HPSE2: variants seen among roughly 807,000 people sequenced by gnomAD.
HPSE2 encodes heparanase 2 (inactive).
Under a neutral mutation model 60.5 loss-of-function variants are expected in HPSE2, and 38 were observed. The ratio of observed to expected loss-of-function variants is 0.63; its 90% CI spans 0.48 to 0.82. The LOEUF is 0.82. HPSE2 is among the 40% of genes least tolerant of loss of function. HPSE2 has a pLI of 0.00. For missense variants in HPSE2, 713 were observed against 740.4 expected (o/e 0.96, Z 0.43); for synonymous variants, 295 against 293.2 (o/e 1.01, Z -0.06).
chr10:99,080,684 C>A (rs1158399444), intron 3 of HPSE2, among the ~76,000 whole-genome samples: 1 of 152,142 alleles, frequency 6.6e-6, no homozygotes, highest in Non-Finnish European at 1.5e-5. Context: ...CAAATGGTAT[C>A]CTTTGAAATA....
At chr10:98,643,771 T>C (rs1029517834) in intron 6 of HPSE2, among the ~76,000 whole-genome samples, 2 of 152,216 alleles carry the variant, frequency 1.3e-5, no homozygotes. Flanking sequence ...CAGAGTAGTG[T>C]TAAAATTAAA....
intron 9 of HPSE2, among the ~76,000 whole-genome samples, chr10:98,548,525 G>A (rs4272739): frequency 0.85 from 129,409 of 151,902 alleles, 56,329 homozygotes; most frequent in East Asian, 1. Context: ...GCTGAGGCAG[G>A]AGAATCACTT....
rs184861536 is a variant in HPSE2 at position 98,683,510 on chromosome 10, C to A, written c.1004+10390G>T. Among the ~76,000 whole-genome samples, 654 of 151,554 alleles carry A rather than the reference C, an allele frequency of 4.3e-3. 3 individuals are homozygous for A. The highest frequency in any genetic ancestry group is 5.3e-3 in the Non-Finnish European group (359 of 67,820). On this transcript the variant is annotated intron_variant, in intron 6 of 11. Transcript: ENST00000370552. Reference sequence around the variant, plus strand: ...GAGAGAAAATAGAAGGCATTGCATCCAAAAACAAGAAAACAAGCTATAAAA... The same window carrying A: ...GAGAGAAAATAGAAGGCATTGCATCAAAAAACAAGAAAACAAGCTATAAAA...
chr10:99,064,810 G>A (rs1842563674), intron 3 of HPSE2, among the ~76,000 whole-genome samples: 1 of 151,562 alleles, frequency 6.6e-6, no homozygotes, highest in Non-Finnish European at 1.5e-5. Flanking sequence ...AATTATTTGA[G>A]TCAAGGAAAA....
intron 6 of HPSE2, among the ~76,000 whole-genome samples, chr10:98,645,223 T>C (rs1011211065): frequency 2.6e-5 from 4 of 152,126 alleles, no homozygotes; most frequent in Non-Finnish European, 5.9e-5. Flanking sequence ...ATATCAAAAA[T>C]ATACAGAATA....
intron 2 of HPSE2, among the ~76,000 whole-genome samples, chr10:99,211,987 C>A (rs1027303281): frequency 2.0e-5 from 3 of 152,058 alleles, no homozygotes; most frequent in Non-Finnish European, 4.4e-5. Context: ...ATAAAGAACA[C>A]AACTCAACAG....
At chr10:98,822,453 A>G (rs1176415161) in intron 3 of HPSE2, among the ~76,000 whole-genome samples, 1 of 152,218 alleles carries the variant, frequency 6.6e-6, no homozygotes. Flanking sequence ...AATGTTTAAT[A>G]AACTGCTTAT....
chr10:99,236,692 G>C (rs1849865612), upstream of HPSE2, among the ~76,000 whole-genome samples: 2 of 152,154 alleles, frequency 1.3e-5, no homozygotes, highest in African/African-American at 4.8e-5. Flanking sequence ...CGATCCGAGG[G>C]CCAAAAGGGA....
At chr10:99,084,867 TTAAAAAGTAACAAACTC>T in intron 3 of HPSE2, among the ~76,000 whole-genome samples, 1 of 152,272 alleles carries the variant, frequency 6.6e-6, no homozygotes, top group East Asian at 1.9e-4. Context: ...AGAAGGTACA[TTAAAAAGTAACAAACTC>T]TGCAGTGAGA....
At chr10:98,502,426 G>C (rs1207734315) in intron 9 of HPSE2, among the ~76,000 whole-genome samples, 2 of 152,028 alleles carry the variant, frequency 1.3e-5, no homozygotes, top group Non-Finnish European at 2.9e-5. Context: ...CTTCGACAAA[G>C]CAAACAAAAA....
At chr10:98,564,427 T>C (rs555367691) in intron 9 of HPSE2, among the ~76,000 whole-genome samples, 140 of 152,330 alleles carry the variant, frequency 9.2e-4, no homozygotes, top group Middle Eastern at 6.8e-3. Context: ...TTGTTAACTA[T>C]TGTTGCAATT....
intron 9 of HPSE2, among the ~76,000 whole-genome samples, chr10:98,609,187 G>T (rs1208588637): frequency 6.6e-6 from 1 of 152,102 alleles, no homozygotes; most frequent in Non-Finnish European, 1.5e-5. Context: ...CCTCCACCCA[G>T]TATGACTTCT....
chr10:98,906,644 G>A (rs1301933305), intron 3 of HPSE2, among the ~76,000 whole-genome samples: 1 of 152,160 alleles, frequency 6.6e-6, no homozygotes, highest in African/African-American at 2.4e-5. Context: ...AGTGGCTCAC[G>A]CCTGTAATCC....
intron 3 of HPSE2, among the ~76,000 whole-genome samples, chr10:98,937,416 G>A (rs1954836033): frequency 1.4e-5 from 2 of 144,388 alleles, no homozygotes; most frequent in South Asian, 2.1e-4. Context: ...CTTAAAAAAC[G>A]GCGCACCAGG....
intron 3 of HPSE2, among the ~76,000 whole-genome samples, chr10:98,804,896 TATAA>T (rs1173971492): frequency 2.0e-5 from 3 of 152,060 alleles, no homozygotes; most frequent in African/African-American, 7.2e-5. Context: ...GTCCATAACA[TATAA>T]ATAAATAAAT....
intron 2 of HPSE2, among the ~76,000 whole-genome samples, chr10:99,198,123 T>C (rs1267364161): frequency 6.6e-6 from 1 of 151,182 alleles, no homozygotes; most frequent in Non-Finnish European, 1.5e-5. Context: ...TACCAGCTAA[T>C]AAGATACATT....
intron 5 of HPSE2, among the ~76,000 whole-genome samples, chr10:98,716,778 T>G (rs1011509015): frequency 6.6e-6 from 1 of 152,148 alleles, no homozygotes; most frequent in African/African-American, 2.4e-5. Flanking sequence ...ACCAGGCACA[T>G]TGTCAATGAG....
At position 98,620,561 on chromosome 10, in the gene HPSE2, T is replaced by G. The variant is rs1299101169; in HGVS notation, c.1205+41A>C. 7.7e-6 allele frequency: 11 copies of G among 1,432,808 alleles called. No homozygotes were observed. In the African/African-American group the frequency reaches 1.1e-4, roughly 15 times the overall value. The allele number at this position is 1,432,808 out of a possible 1,614,324, so 88.8% of individuals were successfully genotyped here. Reference sequence around the variant, plus strand: ...ACACCAGAGATTCACTGTCCTTCCCTCCTGAAAGCCCCTGGGGGTGAACTT... The same window carrying G: ...ACACCAGAGATTCACTGTCCTTCCCGCCTGAAAGCCCCTGGGGGTGAACTT... On this transcript the variant is annotated intron_variant, in intron 8 of 11. Coordinates refer to ENST00000370552, the MANE Select transcript of HPSE2 (RefSeq NM_021828.5).
chr10:98,480,057 A>AGAATG (rs1265184190), intron 11 of HPSE2, among the ~76,000 whole-genome samples: 1 of 151,786 alleles, frequency 6.6e-6, no homozygotes, highest in African/African-American at 2.4e-5. Context: ...GGATCCCTGT[A>AGAATG]GAATGAAATT....
Sources: allele counts gnomAD v4.1 joint callset (sites outside exome capture counted in the v4.1 genomes callset), GRCh38; gene constraint gnomAD v4.1.1; transcripts MANE v1.5; gene names NCBI Gene and HGNC (gene_info 2026-07-23, HGNC 2026-07-21).